The following CCDC120 variants were observed in gnomAD, a reference collection of about 807,000 sequenced individuals.
CCDC120 encodes the protein coiled-coil domain containing 120.
In CCDC120, 16 loss-of-function variants were observed where a neutral mutation model predicts 37.6. That is an observed-to-expected ratio of 0.43 (90% CI 0.29 to 0.65). The LOEUF is 0.65. Ranked by LOEUF, CCDC120 falls within the 30% of genes least tolerant of loss-of-function variation. The pLI, the probability that CCDC120 is intolerant of heterozygous loss-of-function variation, is 0.18. For synonymous variants in CCDC120, 309 were observed against 275.4 expected (o/e 1.12, Z -1.21); for missense variants, 650 against 657.4 (o/e 0.99, Z 0.12).
chrX:49,065,140 T>G (rs1156457575), intron 7 of CCDC120, 42 bp downstream of exon 7: 2 of 1,147,599 alleles, frequency 1.7e-6, no homozygotes, highest in Non-Finnish European at 2.4e-6. Flanking sequence ...GACTCCTACG[T>G]CCCTTTAGCC....
In CCDC120 at chrX:49,064,422, C is replaced by T. The variant is rs782781153; in HGVS notation, c.482C>T (p.Ala161Val). The T allele has an allele frequency of 1.6e-5, 19 of 1,175,195 alleles. No homozygotes were observed. The highest frequency in any genetic ancestry group is 1.1e-4 in the African/African-American group (6 of 56,331). The change falls in exon 6 of 11, where the codon GCG (alanine) becomes GTG (valine). Residue 161 changes from alanine (A) to valine (V), a missense_variant. This residue lies in a region of CCDC120 where 576 missense variants were observed against 565.3 expected (regional missense o/e 1.02). Transcript: ENST00000603986. ...EREVSVQQQIAAAARRLALAP... is the reference protein window; with the variant it reads ...EREVSVQQQIVAAARRLALAP... ...GAGGTGTCAGTGCAACAGCAGATCG[C>T]GGCGGCCGCCCGCCGCCTGGCCTTG...
In CCDC120 at chrX:49,067,920, G is replaced by A. The variant is rs782091971; in HGVS notation, c.1806G>A (p.Ser602=). 7 of 1,156,887 alleles carry A rather than the reference G, an allele frequency of 6.1e-6. No homozygotes were observed. The highest frequency in any genetic ancestry group is 3.3e-5 in the East Asian group (1 of 30,578). Residue 602 remains serine (S), a synonymous_variant, in exon 10 of 11, where the codon TCG becomes TCA. Transcript: ENST00000603986. The part of the protein sequence containing the change: ...EGLRDWYIRN[S]GLAAGPQRRP... ...TGCGGGACTGGTACATCCGGAACTC[G>A]GGACTGGCTGCGGGGCCCCAGCGCC...
At chrX:49,065,997 C>T (rs942272091) in intron 9 of CCDC120, 152 bp downstream of exon 9, 31 of 515,996 alleles carry the variant, frequency 6.0e-5, no homozygotes, top group Middle Eastern at 5.7e-4. Flanking sequence ...CCGAGGCGGG[C>T]GGGTTACTTG....
chrX:49,061,839 G>A (rs1289393827), intron 1 of CCDC120, 120 bp from the exon 2 acceptor site: 17 of 724,188 alleles, frequency 2.3e-5, no homozygotes, highest in Admixed American at 1.2e-4. Flanking sequence ...GAATCTTTCC[G>A]GGTGGCTCTG....
rs1557080420 is a variant in CCDC120, at chrX:49,064,434, G to A, written c.494G>A (p.Arg165His). The change falls in exon 6 of 11, where the codon CGC becomes CAC. Residue 165 changes from arginine (R) to histidine (H), a missense_variant. Coordinates refer to ENST00000603986, the MANE Select transcript of CCDC120 (RefSeq NM_001163321.4). ...CAACAGCAGATCGCGGCGGCCGCCC[G>A]CCGCCTGGCCTTGGCCCCTGATCTG... ...SVQQQIAAAARRLALAPDLST... is the reference protein window; with the variant it reads ...SVQQQIAAAAHRLALAPDLST... The A allele has an allele frequency of 1.0e-5, 12 of 1,175,844 alleles. No individual in the cohort carries two copies. The highest frequency in any genetic ancestry group is 9.5e-5 in the East Asian group (3 of 31,416).
At chrX:49,060,087 G>T (rs2147792227) in intron 1 of CCDC120, among the ~76,000 whole-genome samples, 1 of 112,100 alleles carries the variant, frequency 8.9e-6, no homozygotes, top group South Asian at 3.7e-4. Context: ...TGGGGTTCCT[G>T]TGTGGACCCT....
Position 49,064,645 on chromosome X carries a change from T to A in CCDC120, c.705T>A (p.Arg235=). 8.4e-7 allele frequency: 1 copy of A among 1,187,585 alleles called. No homozygotes were observed. Among genetic ancestry groups the A allele is most frequent in the South Asian group, 1.9e-5 (1 of 53,689 alleles). ...CCCAGGGAGTCTGCCTGGGCATGCG[T>A]CTTGCTCAGCTCAGCCAAGGTGAGC... ...ITTQGVCLGM[R]LAQLSQEDVV... The change falls in exon 6 of 11, where the codon CGT becomes CGA. Residue 235 remains arginine, a synonymous_variant. Coordinates refer to ENST00000603986, the MANE Select transcript of CCDC120 (RefSeq NM_001163321.4).
intron 5 of CCDC120, 122 bp from the exon 6 acceptor site, chrX:49,064,248 G>A (rs1369261557): frequency 1.2e-5 from 10 of 852,461 alleles, no homozygotes; most frequent in African/African-American, 2.0e-5. Context: ...GCCCTGACAC[G>A]CCCCCTCCCC....
Position 49,067,355 on chromosome X carries a change from C to T in CCDC120, c.1241C>T (p.Ala414Val). ...AAGGGAGSPP[A>V]PLAPSASGPP... is the part of the protein sequence containing the mutation. ...GGTGGGGGAGCTGGCTCCCCGCCTG[C>T]CCCTCTGGCTCCCTCTGCCTCTGGC... Residue 414 changes from alanine (A) to valine (V), a missense_variant, in exon 10 of 11, where the codon GCC becomes GTC. By Grantham distance (64) the Ala-to-Val change is moderately conservative. Coordinates refer to ENST00000603986, the MANE Select transcript of CCDC120 (RefSeq NM_001163321.4). 8.3e-7 allele frequency: 1 copy of T among 1,203,137 alleles called. No individual in the cohort carries two copies. The highest frequency in any genetic ancestry group is 3.0e-5 in the East Asian group (1 of 33,473).
At chrX:49,060,427 CAAA>C (rs58827125) in intron 1 of CCDC120, among the ~76,000 whole-genome samples, 37 of 42,127 alleles carry the variant, frequency 8.8e-4, no homozygotes, top group East Asian at 1.7e-3. Flanking sequence ...GCCCTATCTC[CAAA>C]AAAAAAAAAA....
rs1557080603 is a variant in CCDC120 at position 49,064,679 on chromosome X, G to A, written c.724+15G>A. ...GCTCAGCCAAGGTGAGCATCCCCTG[G>A]TGAGGGTGGGAGAGTGGACACTGGC... On this transcript the variant is annotated intron_variant, in intron 6 of 10. Transcript: ENST00000603986. 8.6e-7 allele frequency: 1 copy of A among 1,165,125 alleles called. No individual in the cohort carries two copies. The highest frequency in any genetic ancestry group is 1.2e-6 in the Non-Finnish European group (1 of 868,198).
At chrX:49,056,720 A>G (rs4824459), upstream of CCDC120, among the ~76,000 whole-genome samples, 2 of 111,087 alleles carry the variant, frequency 1.8e-5, no homozygotes, top group Non-Finnish European at 3.8e-5. Flanking sequence ...AGGAAAAACA[A>G]CTGTTTCAAA....
upstream of CCDC120, among the ~76,000 whole-genome samples, chrX:49,056,367 G>A (rs782388232): frequency 5.3e-4 from 59 of 110,599 alleles, 3 homozygotes; most frequent in South Asian, 0.013. Flanking sequence ...GGTGGCTCAC[G>A]CCTGTAATCC....
rs1557080377 is a variant in CCDC120 at position 49,064,399 on chromosome X, G to C, written c.459G>C (p.Glu153Asp). Residue 153 changes from glutamate (E) to aspartate (D), a missense_variant, in exon 6 of 11, where the codon GAG becomes GAC. Transcript: ENST00000603986. ...TGGCTCTTGAGGCCCTGGAACGCGA[G>C]GTGTCAGTGCAACAGCAGATCGCGG... The part of the protein sequence containing the change: ...EELALEALER[E>D]VSVQQQIAAA... 3 of 1,175,084 alleles carry C rather than the reference G, an allele frequency of 2.6e-6. No individual in the cohort carries two copies. The South Asian group carries it at 5.6e-5, about 22-fold the overall frequency.
chrX:49,064,302 C>G (rs2064924492), intron 5 of CCDC120, 68 bp from the exon 6 acceptor site: 1 of 1,072,934 alleles, frequency 9.3e-7, no homozygotes, highest in South Asian at 2.3e-5. Flanking sequence ...GCAGGCCAGC[C>G]TCTACTGGGT....
chrX:49,054,985 T>C (rs1186342621), upstream of CCDC120, among the ~76,000 whole-genome samples: 1 of 112,121 alleles, frequency 8.9e-6, no homozygotes, highest in Non-Finnish European at 1.9e-5. Flanking sequence ...TGCCCGGAAC[T>C]TGAAGATTCT....
intron 6 of CCDC120, among the ~76,000 whole-genome samples, 186 bp downstream of exon 6, chrX:49,064,850 C>T (rs1273692870): frequency 1.8e-5 from 2 of 112,183 alleles, no homozygotes; most frequent in Admixed American, 1.9e-4. Context: ...GAATATCTGC[C>T]AGGACAGTCA....
At chrX:49,059,545 G>C (rs919908974) in intron 1 of CCDC120, among the ~76,000 whole-genome samples, 5 of 112,426 alleles carry the variant, frequency 4.4e-5, no homozygotes, top group African/African-American at 1.6e-4. Context: ...AGTGGAGGAA[G>C]CAGGGGCTCT....
upstream of CCDC120, among the ~76,000 whole-genome samples, chrX:49,058,445 ATG>A (rs1180576406): frequency 8.9e-6 from 1 of 112,257 alleles, no homozygotes; most frequent in East Asian, 2.8e-4. Context: ...GGGCCTCAGA[ATG>A]TGATGCTTAG....
Sources: allele counts gnomAD v4.1 joint callset (sites outside exome capture counted in the v4.1 genomes callset), GRCh38; gene constraint gnomAD v4.1.1; regional missense constraint gnomAD v4.1.1; transcripts MANE v1.5; gene names NCBI Gene and HGNC (gene_info 2026-07-23, HGNC 2026-07-21).